The following IFT43 variants were observed in gnomAD, a reference collection of about 807,000 sequenced individuals.
The protein encoded by IFT43 is intraflagellar transport 43, also known as intraflagellar transport protein 43 homolog.
IFT43 carries 33 observed loss-of-function variants against 32.3 expected under a neutral mutation model. That is an observed-to-expected ratio of 1.02 (90% CI 0.77 to 1.37). The LOEUF is 1.37. Ranked by LOEUF, IFT43 falls within the 40% of genes most tolerant of loss-of-function variation. The pLI is 0.00. For missense variants in IFT43, 274 were observed against 265.9 expected, an observed-to-expected ratio of 1.03 and a Z score of -0.21; for synonymous variants, 93 against 98.2, an observed-to-expected ratio of 0.95 and a Z score of 0.31.
chr14:76,013,981 A>C, intron 2 of IFT43: 1 of 237,332 alleles, frequency 4.2e-6, no homozygotes, highest in Non-Finnish European at 9.1e-6. Context: ...AGCAACCAAA[A>C]CTGACCAAGT....
chr14:76,036,877 G>C (rs1403868099), intron 3 of IFT43, among the ~76,000 whole-genome samples: 1 of 150,614 alleles, frequency 6.6e-6, no homozygotes, highest in Non-Finnish European at 1.5e-5. Context: ...GCTCAGGCTA[G>C]AGTGCAGTGG....
chr14:76,010,537 T>G (rs897935655), intron 2 of IFT43, among the ~76,000 whole-genome samples: 3 of 152,172 alleles, frequency 2.0e-5, no homozygotes, highest in Non-Finnish European at 4.4e-5. Flanking sequence ...CAACTGTTAC[T>G]ACCATTTTGC....
intron 2 of IFT43, among the ~76,000 whole-genome samples, chr14:75,999,243 A>AATATTCATT (rs56810996): frequency 0.2 from 4,778 of 24,234 alleles, 190 homozygotes; most frequent in Non-Finnish European, 0.22. Flanking sequence ...ATATATATAT[A>AATATTCATT]TATATATATA....
chr14:76,034,588 T>C (rs181761996), intron 3 of IFT43, among the ~76,000 whole-genome samples: 3 of 152,330 alleles, frequency 2.0e-5, no homozygotes, highest in Admixed American at 1.3e-4. Flanking sequence ...CAGTGAGAAG[T>C]AGAAGGGCTG....
chr14:75,990,157 A>T (rs2035609014), intron 2 of IFT43, among the ~76,000 whole-genome samples: 1 of 152,232 alleles, frequency 6.6e-6, no homozygotes, highest in African/African-American at 2.4e-5. Flanking sequence ...CTCTAAAGGG[A>T]CAACCACTAC....
At position 76,060,211 on chromosome 14, in the gene IFT43, GTTA is replaced by G. The variant is rs926453770; in HGVS notation, c.295+856_295+858del. ...TACGTAGGGGATCCAAATTATTATT[GTTA>G]TTATTATTATTATTATTTTTTGAGG... On this transcript the variant is annotated intron_variant, in intron 5 of 8. Transcript: ENST00000314067. 3.4e-4 allele frequency among the ~76,000 whole-genome samples: 52 copies of G among 151,762 alleles called. 2 individuals are homozygous for G. The highest frequency in any genetic ancestry group is 1.2e-3 in the African/African-American group (49 of 41,386).
intron 3 of IFT43, among the ~76,000 whole-genome samples, chr14:76,036,564 C>G (rs1285041684): frequency 6.6e-6 from 1 of 151,978 alleles, no homozygotes; most frequent in Non-Finnish European, 1.5e-5. Context: ...GCCACCACAC[C>G]TGGCTTATTT....
At chr14:75,996,393 T>G (rs2035748504) in intron 2 of IFT43, among the ~76,000 whole-genome samples, 1 of 152,210 alleles carries the variant, frequency 6.6e-6, no homozygotes, top group African/African-American at 2.4e-5. Context: ...GAGGGTTAAA[T>G]AAAATATATA....
At chr14:76,035,768 G>T (rs1395499484) in intron 3 of IFT43, among the ~76,000 whole-genome samples, 1 of 152,244 alleles carries the variant, frequency 6.6e-6, no homozygotes, top group East Asian at 1.9e-4. Context: ...CAGCTGGTGT[G>T]CCATGTGCTG....
chr14:75,996,046 T>A (rs139810525), intron 2 of IFT43, among the ~76,000 whole-genome samples: 37 of 152,222 alleles, frequency 2.4e-4, no homozygotes, highest in Admixed American at 4.6e-4. Flanking sequence ...CTTTGTCAAA[T>A]GCTCTTGAAG....
chr14:76,016,979 A>T (rs761880423), intron 2 of IFT43, among the ~76,000 whole-genome samples: 1 of 152,122 alleles, frequency 6.6e-6, no homozygotes, highest in Non-Finnish European at 1.5e-5. Context: ...TTATAAGATC[A>T]TATCATCTGC....
intron 3 of IFT43, among the ~76,000 whole-genome samples, chr14:76,028,184 A>T (rs1416494930): frequency 6.6e-6 from 1 of 152,206 alleles, no homozygotes; most frequent in South Asian, 2.1e-4. Flanking sequence ...TGACCACTAG[A>T]TCTCTCCATT....
intron 2 of IFT43, among the ~76,000 whole-genome samples, chr14:76,007,864 A>T (rs886590483): frequency 6.6e-6 from 1 of 152,164 alleles, no homozygotes; most frequent in Non-Finnish European, 1.5e-5. Flanking sequence ...ACCCAAAAGG[A>T]TGTAATTGAG....
At chr14:75,990,345 G>A (rs2035612933) in intron 2 of IFT43, among the ~76,000 whole-genome samples, 1 of 152,202 alleles carries the variant, frequency 6.6e-6, no homozygotes, top group South Asian at 2.1e-4. Flanking sequence ...CATATGGGCT[G>A]GATTTGGTCC....
intron 2 of IFT43, among the ~76,000 whole-genome samples, chr14:76,015,524 T>C (rs535301247): frequency 4.6e-5 from 7 of 152,366 alleles, no homozygotes; most frequent in Admixed American, 3.9e-4. Flanking sequence ...GTTTTTATAA[T>C]ACTATATCAA....
At chr14:76,016,297 C>T (rs2139939184) in intron 2 of IFT43, among the ~76,000 whole-genome samples, 1 of 152,222 alleles carries the variant, frequency 6.6e-6, no homozygotes, top group African/African-American at 2.4e-5. Flanking sequence ...TTCCCAGCAC[C>T]ACTTATTGAG....
intron 2 of IFT43, among the ~76,000 whole-genome samples, chr14:76,010,797 T>C (rs1382029994): frequency 6.6e-6 from 1 of 152,166 alleles, no homozygotes; most frequent in East Asian, 1.9e-4. Flanking sequence ...AAAGTATTTT[T>C]ATAGCGCTTT....
At chr14:75,999,026 T>C (rs978180573) in intron 2 of IFT43, among the ~76,000 whole-genome samples, 8 of 151,912 alleles carry the variant, frequency 5.3e-5, no homozygotes, top group Non-Finnish European at 5.9e-5. Context: ...TGAGCCACTA[T>C]GCCTAGTTCC....
At chr14:76,007,325 C>T (rs1054285641) in intron 2 of IFT43, among the ~76,000 whole-genome samples, 1 of 152,156 alleles carries the variant, frequency 6.6e-6, no homozygotes, top group Non-Finnish European at 1.5e-5. Context: ...CTCACCACTG[C>T]GTGATACAGA....
Sources: gnomAD v4.1 joint callset for allele counts (sites outside exome capture counted in the v4.1 genomes callset) on GRCh38, gnomAD v4.1.1 for gene constraint, MANE v1.5 for transcripts, NCBI Gene and HGNC (gene_info 2026-07-23, HGNC 2026-07-21) for gene names.